Variants in PIK3C2G observed in about 807,000 individuals in gnomAD.
PIK3C2G encodes phosphatidylinositol 3-kinase C2 domain-containing subunit gamma.
Under a neutral mutation model 181.1 loss-of-function variants are expected in PIK3C2G, and 168 were observed. The observed-to-expected ratio is 0.93, with a 90% CI of 0.82 to 1.05. The LOEUF (loss-of-function observed/expected upper bound fraction) is 1.05. PIK3C2G is among the 50% of genes least tolerant of loss of function. The pLI, the probability that PIK3C2G is intolerant of heterozygous loss-of-function variation, is 0.00. For synonymous variants in PIK3C2G, 573 were observed against 592.2 expected (o/e 0.97, Z 0.47); for missense variants, 1,869 against 1,732.8 (o/e 1.08, Z -1.40).
chr12:18,501,015 G>A (rs993434995), intron 22 of PIK3C2G, among the ~76,000 whole-genome samples: 3 of 151,756 alleles, frequency 2.0e-5, no homozygotes, highest in Non-Finnish European at 1.5e-5. Context: ...TCCTGAGCCA[G>A]CGAGACCACG....
chr12:18,316,640 A>G (rs984934492), intron 6 of PIK3C2G, among the ~76,000 whole-genome samples: 3 of 152,052 alleles, frequency 2.0e-5, no homozygotes, highest in Non-Finnish European at 4.4e-5. Context: ...TTTAAAATGG[A>G]TAATACTTGA....
At position 18,562,907 on chromosome 12, in the gene PIK3C2G, C is replaced by T. The variant is rs777340106; in HGVS notation, c.3780+15C>T. ...AATCCAGTAATGTAAGTTTAAAGTCCGTCATCTTGACTTACGTATCACTTG... is the reference window on the plus strand; with the variant it reads ...AATCCAGTAATGTAAGTTTAAAGTCTGTCATCTTGACTTACGTATCACTTG... On this transcript the variant is annotated intron_variant, in intron 27 of 32. Coordinates refer to ENST00000538779, the MANE Select transcript of PIK3C2G (RefSeq NM_001288772.2). The T allele has an allele frequency of 2.6e-6, 4 of 1,557,504 alleles. No homozygotes were observed. The highest frequency in any genetic ancestry group is 1.2e-5 in the South Asian group (1 of 85,636).
the PIK3C2G span, chr12:18,701,926 C>T: frequency 3.4e-6 from 4 of 1,163,438 alleles, no homozygotes; most frequent in Non-Finnish European, 4.7e-6. Context: ...CTATTCACAT[C>T]TCAGTAGAGG....
rs1032500913 is a variant in PIK3C2G at position 18,395,411 on chromosome 12, C to T, written c.2126+4159C>T. 4.7e-5 allele frequency among the ~76,000 whole-genome samples: 7 copies of T among 149,772 alleles called. No individual in the cohort carries two copies. The Admixed American group carries it at 4.7e-4, about 10-fold the overall frequency. ...CTTTTTCAAATTAGAACTCTATACA[C>T]AGTAAAATTATGTTGCAAAAATTAA... On this transcript the variant is annotated intron_variant, in intron 15 of 32. Coordinates refer to ENST00000538779, the MANE Select transcript of PIK3C2G (RefSeq NM_001288772.2).
chr12:18,413,671 C>T (rs983339680), intron 16 of PIK3C2G, among the ~76,000 whole-genome samples: 4 of 152,166 alleles, frequency 2.6e-5, no homozygotes, highest in African/African-American at 9.6e-5. Context: ...AAGTCCCATA[C>T]TCAAAGTGTA....
chr12:18,410,540 A>C (rs1944808296), intron 16 of PIK3C2G, among the ~76,000 whole-genome samples: 1 of 151,446 alleles, frequency 6.6e-6, no homozygotes, highest in Non-Finnish European at 1.5e-5. Flanking sequence ...ATTATTTTTC[A>C]GATTAGGATC....
At chr12:18,700,538 A>AAG in the PIK3C2G span, among the ~76,000 whole-genome samples, 11 of 135,894 alleles carry the variant, frequency 8.1e-5, no homozygotes, top group African/African-American at 1.1e-4. Flanking sequence ...AAAAAAAAAT[A>AAG]GTTGCTCTGC....
chr12:18,424,200 T>A (rs951264594), intron 18 of PIK3C2G, among the ~76,000 whole-genome samples, 161 bp downstream of exon 18: 5 of 152,200 alleles, frequency 3.3e-5, no homozygotes, highest in African/African-American at 1.2e-4. Context: ...TTTAAGAGGA[T>A]AATGTGTCAT....
downstream of PIK3C2G, among the ~76,000 whole-genome samples, chr12:18,650,429 A>AT (rs1352632700): frequency 2.1e-5 from 3 of 145,724 alleles, no homozygotes; most frequent in Admixed American, 6.9e-5. Flanking sequence ...TTACATAGGA[A>AT]TTTTTTTAAT....
upstream of PIK3C2G, among the ~76,000 whole-genome samples, chr12:18,243,453 T>A (rs1287374644): frequency 6.6e-6 from 1 of 152,092 alleles, no homozygotes; most frequent in East Asian, 1.9e-4. Context: ...AAGGTCAGTA[T>A]GTGACTTCTA....
chr12:18,410,105 T>C (rs978313639), intron 16 of PIK3C2G, among the ~76,000 whole-genome samples: 9 of 152,092 alleles, frequency 5.9e-5, no homozygotes, highest in African/African-American at 2.2e-4. Flanking sequence ...ATCCAAACCA[T>C]ATCAAGGCTC....
At chr12:18,353,077 A>G (rs1423950209) in intron 11 of PIK3C2G, among the ~76,000 whole-genome samples, 1 of 152,104 alleles carries the variant, frequency 6.6e-6, no homozygotes, top group Non-Finnish European at 1.5e-5. Context: ...TCAGCCTGGT[A>G]TTTTCCTGCC....
chr12:18,300,290 T>G (rs1242056400), intron 5 of PIK3C2G, among the ~76,000 whole-genome samples: 1 of 152,030 alleles, frequency 6.6e-6, no homozygotes, highest in Non-Finnish European at 1.5e-5. Context: ...ATTGGATACA[T>G]ATAAATATGT....
chr12:18,287,416 C>CA (rs1260652431), intron 3 of PIK3C2G, among the ~76,000 whole-genome samples: 7 of 151,790 alleles, frequency 4.6e-5, no homozygotes, highest in Admixed American at 2.6e-4. Flanking sequence ...GCAGATATTC[C>CA]AAAAAAATCA....
intron 13 of PIK3C2G, among the ~76,000 whole-genome samples, chr12:18,378,313 T>A (rs1359893447): frequency 7.6e-5 from 11 of 144,188 alleles, no homozygotes; most frequent in South Asian, 2.1e-4. Context: ...TCCTCATGAG[T>A]TCCCCCCCCC....
rs142134951 is a variant in PIK3C2G at position 18,415,968 on chromosome 12, G to A, written c.2316-4973G>A. On this transcript the variant is annotated intron_variant, in intron 16 of 32. Coordinates refer to ENST00000538779, the MANE Select transcript of PIK3C2G (RefSeq NM_001288772.2). Reference sequence around the variant, plus strand: ...TCATAAGGTTTAAGAAAAAAGCCGGGCGGGCGCAGTGGCTTATGCCTGTAA... The same window carrying A: ...TCATAAGGTTTAAGAAAAAAGCCGGACGGGCGCAGTGGCTTATGCCTGTAA... 6.4e-3 allele frequency among the ~76,000 whole-genome samples: 974 copies of A among 152,262 alleles called. 10 individuals are homozygous for A. The highest frequency in any genetic ancestry group is 0.023 in the African/African-American group (939 of 41,578).
At chr12:18,665,190 T>A in the PIK3C2G span, among the ~76,000 whole-genome samples, 12 of 149,960 alleles carry the variant, frequency 8.0e-5, no homozygotes, top group Non-Finnish European at 1.8e-4. Context: ...TTAAAAAAAA[T>A]AAGAACAAAG....
In PIK3C2G at chr12:18,546,386, C is replaced by A; in HGVS notation, c.3544C>A (p.Leu1182Ile). 6.2e-7 allele frequency: 1 copy of A among 1,601,378 alleles called. No individual in the cohort carries two copies. The highest frequency in any genetic ancestry group is 8.5e-7 in the Non-Finnish European group (1 of 1,173,122). ...AGACCTGAAATATGTGTATAATAAT[C>A]TTCGTCCACAAGACACAGACCTGGA... The part of the protein sequence containing the change: ...IQDLKYVYNN[L>I]RPQDTDLEAT... The change falls in exon 26 of 33, where the codon CTT (leucine) becomes ATT (isoleucine). Residue 1182 changes from leucine to isoleucine, a missense_variant. Transcript: ENST00000538779.
chr12:18,385,856 C>G (rs928176227), intron 14 of PIK3C2G, among the ~76,000 whole-genome samples: 1 of 152,054 alleles, frequency 6.6e-6, no homozygotes, highest in Non-Finnish European at 1.5e-5. Flanking sequence ...TCTCTACTTC[C>G]TCACCTCCCC....
Sources: gnomAD v4.1 joint callset for allele counts (sites outside exome capture counted in the v4.1 genomes callset) on GRCh38, gnomAD v4.1.1 for gene constraint, MANE v1.5 for transcripts, NCBI Gene and HGNC (gene_info 2026-07-23, HGNC 2026-07-21) for gene names.